FKBP10: variants seen among roughly 807,000 people sequenced by gnomAD.
FKBP10 encodes the protein peptidyl-prolyl cis-trans isomerase FKBP10.
Under a neutral mutation model 53.7 loss-of-function variants are expected in FKBP10, and 34 were observed. The ratio of observed to expected loss-of-function variants is 0.63; its 90% CI spans 0.48 to 0.84. The LOEUF is 0.84. FKBP10 is among the 40% of genes least tolerant of loss of function. The pLI is 0.00. For missense variants in FKBP10, 748 were observed against 797.8 expected (o/e 0.94, Z 0.75); for synonymous variants, 324 against 335.7 (o/e 0.97, Z 0.38).
Position 41,813,079 on chromosome 17 carries a change from C to G in FKBP10, c.45C>G (p.Pro15=). The G allele has an allele frequency of 1.2e-6, 2 of 1,610,792 alleles. No homozygotes were observed. The highest frequency in any genetic ancestry group is 1.1e-5 in the South Asian group (1 of 91,012). The stretch of plus-strand genomic sequence containing the variant: ...CCAGCCACAGCCTCCTCCGGCTCCC[C>G]CTGCTGCAGTTGCTGCTACTGGTGG... ...GPPSHSLLRL[P]LLQLLLLVVQ... is the part of the protein sequence containing the mutation. Residue 15 remains proline (P), a synonymous_variant, in exon 1 of 10, where the codon CCC becomes CCG. Transcript: ENST00000321562.
At position 41,819,527 on chromosome 17, in the gene FKBP10, C is replaced by T; in HGVS notation, c.918-3C>T. The T allele has an allele frequency of 6.2e-7, 1 of 1,614,096 alleles. No homozygotes were observed. Among genetic ancestry groups the T allele is most frequent in the Non-Finnish European group, 8.5e-7 (1 of 1,180,010 alleles). ...TTCCTGGCCCTCCCGCCTTGTATTG[C>T]AGCTACTCCCGCAACCACACCTACA... On this transcript the variant is annotated splice_polypyrimidine_tract_variant and splice_region_variant and intron_variant, in intron 5 of 9. Coordinates refer to ENST00000321562, the MANE Select transcript of FKBP10 (RefSeq NM_021939.4).
Position 41,820,462 on chromosome 17 carries a change from G to A in FKBP10, c.1256+1G>A, listed in dbSNP as rs782815501. The A allele has an allele frequency of 7.4e-6, 12 of 1,613,500 alleles. No individual in the cohort carries two copies. The highest frequency in any genetic ancestry group is 3.3e-5 in the Admixed American group (2 of 59,916). The stretch of plus-strand genomic sequence containing the variant: ...TGGACGGCACCCAGCTGTTCACCTC[G>A]TGGGTCCGGGGGGGGGCCGGGACTG... On this transcript the variant is annotated splice_donor_variant, in intron 7 of 9. Transcript: ENST00000321562. LOFTEE classifies it high-confidence loss of function.
At position 41,823,195 on chromosome 17, in the gene FKBP10, A is replaced by C. The variant is rs1259510544; in HGVS notation, c.*787A>C. On this transcript the variant is annotated 3_prime_UTR_variant, in exon 10 of 10. Transcript: ENST00000321562. Reference sequence around the variant, plus strand: ...TGTCAGTCCTTTTTTCCTTTGTTCCAAATAAAAGATTAAACCAATGGCCTT... The same window carrying C: ...TGTCAGTCCTTTTTTCCTTTGTTCCCAATAAAAGATTAAACCAATGGCCTT... 6.5e-6 allele frequency: 1 copy of C among 152,684 alleles called. No homozygotes were observed. Among genetic ancestry groups the C allele is most frequent in the Admixed American group, 6.5e-5 (1 of 15,336 alleles). The allele number at this position is 152,684 out of a possible 1,614,324, so 9.5% of individuals were successfully genotyped here. A position where few individuals can be genotyped will look rare whatever the true frequency, so the allele number is the denominator to read the frequency against.
At chr17:41,815,969 T>C (rs1282117747) in intron 1 of FKBP10, among the ~76,000 whole-genome samples, 1 of 151,218 alleles carries the variant, frequency 6.6e-6, no homozygotes, top group Non-Finnish European at 1.5e-5. Flanking sequence ...AAGCCCTCTC[T>C]ACTAAAAATA....
chr17:41,821,144 A>C, intron 8 of FKBP10, 55 bp downstream of exon 8: 7 of 1,200,806 alleles, frequency 5.8e-6, no homozygotes, highest in East Asian at 3.9e-5. Flanking sequence ...TTTTTTTGAG[A>C]TGGAGTCTGA....
Position 41,818,290 on chromosome 17 carries a change from G to A in FKBP10, c.581+12G>A. ...TCCTTCGACACCAGGTGAGGGGCTG[G>A]AGGGGAGCCCTGAGGCACTGGGGAC... is the stretch of plus-strand genomic sequence containing the variant. On this transcript the variant is annotated intron_variant, in intron 3 of 9. Transcript: ENST00000321562. 1 of 1,613,974 alleles carries A rather than the reference G, an allele frequency of 6.2e-7. No individual in the cohort carries two copies. Among genetic ancestry groups the A allele is most frequent in the Non-Finnish European group, 8.5e-7 (1 of 1,180,034 alleles).
At position 41,822,447 on chromosome 17, in the gene FKBP10, C is replaced by T; in HGVS notation, c.*39C>T. 1 of 1,567,452 alleles carries T rather than the reference C, an allele frequency of 6.4e-7. No homozygotes were observed. Among genetic ancestry groups the T allele is most frequent in the South Asian group, 1.2e-5 (1 of 85,790 alleles). Reference sequence around the variant, plus strand: ...TGGCCAGGCCTGAGACACAGAGGCCCACTGCGAGGGGGACAGTGGCGGTGG... The same window carrying T: ...TGGCCAGGCCTGAGACACAGAGGCCTACTGCGAGGGGGACAGTGGCGGTGG... On this transcript the variant is annotated 3_prime_UTR_variant, in exon 10 of 10. Transcript: ENST00000321562.
At chr17:41,817,035 C>T (rs782167452) in intron 1 of FKBP10, 23 bp from the exon 2 acceptor site, 1 of 1,613,882 alleles carries the variant, frequency 6.2e-7, no homozygotes, top group South Asian at 1.1e-5. Flanking sequence ...GTCACTGTAT[C>T]CCATCTGTCC....
At chr17:41,820,548 T>C (rs1432327148) in intron 7 of FKBP10, 87 bp downstream of exon 7, 1 of 1,371,722 alleles carries the variant, frequency 7.3e-7, no homozygotes, top group African/African-American at 1.4e-5. Context: ...CGCCTGCTCC[T>C]CCCTCTTGGT....
chr17:41,821,414 C>T (rs1475798431), intron 8 of FKBP10, among the ~76,000 whole-genome samples: 4 of 152,136 alleles, frequency 2.6e-5, no homozygotes, highest in South Asian at 2.1e-4. Context: ...TGAGCCACTG[C>T]GCTCGGCCCG....
At position 41,819,585 on chromosome 17, in the gene FKBP10, G is replaced by A. The variant is rs782379680; in HGVS notation, c.973G>A (p.Gly325Arg). ...TYIGQGYIIP[G>R]MDQGLQGACM... ...TATCGGGCAGGGTTACATCATCCCC[G>A]GGATGGACCAGGGGCTGCAGGGTGC... The change falls in exon 6 of 10, where the codon GGG becomes AGG. Residue 325 changes from glycine to arginine, a missense_variant. Physicochemically the swap from Gly to Arg is moderately radical, Grantham distance 125. Transcript: ENST00000321562. 19 of 1,613,892 alleles carry A rather than the reference G, an allele frequency of 1.2e-5. No individual in the cohort carries two copies. Among genetic ancestry groups the A allele is most frequent in the Admixed American group, 1.7e-5 (1 of 59,978 alleles).
intron 2 of FKBP10, 52 bp from the exon 3 acceptor site, chr17:41,818,037 C>A: frequency 6.5e-7 from 1 of 1,531,662 alleles, no homozygotes; most frequent in South Asian, 1.2e-5. Flanking sequence ...TGGCTGGGAT[C>A]GTGGTTGGCA....
At chr17:41,820,909 C>T in intron 7 of FKBP10, 38 bp from the exon 8 acceptor site, 1 of 1,604,852 alleles carries the variant, frequency 6.2e-7, no homozygotes, top group Non-Finnish European at 8.5e-7. Flanking sequence ...TGGCAGGGGA[C>T]AGGGTGGCTG....
chr17:41,820,291 C>T lies in FKBP10; in HGVS notation c.1086C>T (p.Ala362=), dbSNP rs1415311586. The T allele has an allele frequency of 8.7e-6, 14 of 1,614,058 alleles. No homozygotes were observed. The highest frequency in any genetic ancestry group is 8.3e-5 in the Admixed American group (5 of 59,988). The change falls in exon 7 of 10, where the codon GCC becomes GCT. Residue 362 remains alanine, a synonymous_variant. Coordinates refer to ENST00000321562, the MANE Select transcript of FKBP10 (RefSeq NM_021939.4). ...CAGGAGACAAGATCCCTGGCTCTGCCGTGCTAATCTTCAACGTCCATGTCA... is the reference window on the plus strand; with the variant it reads ...CAGGAGACAAGATCCCTGGCTCTGCTGTGCTAATCTTCAACGTCCATGTCA... The part of the protein sequence containing the change: ...NGTGDKIPGS[A]VLIFNVHVID...
intron 4 of FKBP10, chr17:41,818,955 CA>C (rs11431436): frequency 0.13 from 33,034 of 261,282 alleles, 9 homozygotes; most frequent in Middle Eastern, 0.2. Flanking sequence ...GACTCTGTCT[CA>C]AAAAAAAAAA....
chr17:41,820,143 C>T lies in FKBP10; in HGVS notation c.1064-126C>T, dbSNP rs538144036. 8.9e-5 allele frequency: 114 copies of T among 1,274,580 alleles called. No individual in the cohort carries two copies. In the African/African-American group the frequency reaches 9.1e-4, roughly 10 times the overall value. The allele number at this position is 1,274,580 out of a possible 1,614,324, so 79.0% of individuals were successfully genotyped here. On this transcript the variant is annotated intron_variant, in intron 6 of 9. Coordinates refer to ENST00000321562, the MANE Select transcript of FKBP10 (RefSeq NM_021939.4). The stretch of plus-strand genomic sequence containing the variant: ...TAGAATTGACTCTGGACAAACATCC[C>T]GTCCCATCCTCCTTTGGATCCTCAG...
intron 8 of FKBP10, among the ~76,000 whole-genome samples, chr17:41,821,323 A>G (rs1555617037): frequency 6.6e-6 from 1 of 151,784 alleles, no homozygotes; most frequent in Non-Finnish European, 1.5e-5. Context: ...GGGTTTTGCC[A>G]TGTTGGTCAG....
At chr17:41,821,968 T>C in intron 9 of FKBP10, 151 bp downstream of exon 9, 1 of 1,029,688 alleles carries the variant, frequency 9.7e-7, no homozygotes, top group Non-Finnish European at 1.4e-6. Flanking sequence ...TTGTCCCTGC[T>C]TTTTCCTGGG....
chr17:41,816,012 G>A (rs2047810938), intron 1 of FKBP10, among the ~76,000 whole-genome samples: 1 of 150,954 alleles, frequency 6.6e-6, no homozygotes, highest in African/African-American at 2.4e-5. Context: ...GTGCATGCCT[G>A]TGATCCCAGC....
Sources: allele counts gnomAD v4.1 joint callset (sites outside exome capture counted in the v4.1 genomes callset), GRCh38; gene constraint gnomAD v4.1.1; transcripts MANE v1.5; gene names NCBI Gene and HGNC (gene_info 2026-07-23, HGNC 2026-07-21).